Variants in DNAAF9 observed in about 807,000 individuals in gnomAD.
The protein encoded by DNAAF9 is dynein axonemal assembly factor 9.
DNAAF9 carries 90 observed loss-of-function variants against 167.0 expected under a neutral mutation model. The ratio of observed to expected loss-of-function variants is 0.54; its 90% confidence interval spans 0.45 to 0.64. The LOEUF is 0.64. Among genes scored for constraint, DNAAF9 ranks in the 30% least tolerant of loss-of-function variants. The pLI is 0.00. For synonymous variants in DNAAF9, 491 were observed against 508.8 expected, an observed-to-expected ratio of 0.96 and a Z score of 0.47; for missense variants, 1,315 against 1,442.2, an observed-to-expected ratio of 0.91 and a Z score of 1.43.
chr20:3,359,495 A>G (rs1341878169), intron 7 of DNAAF9, 21 bp downstream of exon 7: 1 of 1,524,964 alleles, frequency 6.6e-7, no homozygotes, highest in Non-Finnish European at 9.1e-7. Flanking sequence ...AATATTTAAA[A>G]GTTACTGTTT....
rs1167278946 is a variant in DNAAF9, at chr20:3,296,880, A to G, written c.1999T>C (p.Ser667Pro). The change falls in exon 23 of 37, where the codon TCT (serine) becomes CCT (proline). Residue 667 changes from serine (S) to proline (P), a missense_variant. Around this residue, in one of 2 missense-constraint regions of DNAAF9, gnomAD observed 981 missense variants for 1,012.5 expected, o/e 0.97. Transcript: ENST00000252032. ...ACTTACAATCTCTTTTGTTCCACAG[A>G]TAATCCATCTTCCTGGATCACTTTT... ...SLKVIQEDGL[S>P]VEQKRLHSSA... 6.2e-7 allele frequency: 1 copy of G among 1,608,994 alleles called. No homozygotes were observed. Among genetic ancestry groups the G allele is most frequent in the African/African-American group, 1.3e-5 (1 of 74,838 alleles).
At chr20:3,349,812 T>C (rs1202693889) in intron 7 of DNAAF9, among the ~76,000 whole-genome samples, 1 of 152,190 alleles carries the variant, frequency 6.6e-6, no homozygotes, top group Non-Finnish European at 1.5e-5. Context: ...TCAAGTATTA[T>C]CCTTGTCCTT....
intron 21 of DNAAF9, among the ~76,000 whole-genome samples, chr20:3,301,178 C>CTTTTTTTTTTTTTTTTTTTTTTTTT (rs11469332): frequency 8.0e-6 from 1 of 125,154 alleles, no homozygotes; most frequent in African/African-American, 3.0e-5. Flanking sequence ...TCATGCTTGG[C>CTTTTTTTTTTTTTTTTTTTTTTTTT]TTTTTTTTTT....
chr20:3,322,572 C>T, intron 15 of DNAAF9, 80 bp downstream of exon 15: 2 of 1,106,844 alleles, frequency 1.8e-6, no homozygotes, highest in South Asian at 1.2e-5. Context: ...ATGAGAAAAC[C>T]ACTCATGTCA....
chr20:3,304,590 G>C, intron 20 of DNAAF9, 47 bp from the exon 21 acceptor site: 1 of 853,430 alleles, frequency 1.2e-6, no homozygotes, highest in African/African-American at 1.7e-5. Context: ...TGGGTGCTGG[G>C]GGTCAGATTC....
intron 28 of DNAAF9, 81 bp downstream of exon 28, chr20:3,281,560 G>T: frequency 7.5e-7 from 1 of 1,334,506 alleles, no homozygotes; most frequent in African/African-American, 1.5e-5. Context: ...GGTGACTAAT[G>T]CATTCCAAAA....
chr20:3,388,856 G>A (rs539294587), intron 1 of DNAAF9, among the ~76,000 whole-genome samples: 1 of 152,330 alleles, frequency 6.6e-6, no homozygotes, highest in East Asian at 1.9e-4. Context: ...GAAAGGTTGT[G>A]TGGATGGATG....
intron 6 of DNAAF9, among the ~76,000 whole-genome samples, chr20:3,367,346 T>C (rs1201983565): frequency 2.0e-5 from 3 of 152,260 alleles, no homozygotes; most frequent in Non-Finnish European, 4.4e-5. Context: ...TGTTTCACTT[T>C]CTTATAATTT....
chr20:3,364,944 TTTC>T (rs1159104868), intron 6 of DNAAF9, among the ~76,000 whole-genome samples: 36 of 147,954 alleles, frequency 2.4e-4, no homozygotes, highest in Non-Finnish European at 3.3e-4. Context: ...CTTTTCCTTT[TTTC>T]TTTTTTTTTT....
chr20:3,314,667 A>G (rs2069472565), intron 20 of DNAAF9, among the ~76,000 whole-genome samples: 5 of 152,168 alleles, frequency 3.3e-5, no homozygotes, highest in Admixed American at 3.3e-4. Flanking sequence ...CTGTGAGATA[A>G]TAAGAGGGTG....
chr20:3,333,977 C>T (rs2069889202), intron 10 of DNAAF9, among the ~76,000 whole-genome samples: 1 of 152,180 alleles, frequency 6.6e-6, no homozygotes, highest in South Asian at 2.1e-4. Context: ...CTCTTAAAAA[C>T]ATTTTAAGTC....
intron 33 of DNAAF9, among the ~76,000 whole-genome samples, chr20:3,259,139 T>C (rs1241408955): frequency 6.6e-6 from 1 of 152,158 alleles, no homozygotes; most frequent in Admixed American, 6.5e-5. Flanking sequence ...CTGGGGCAGC[T>C]CCTGGTTTTA....
At chr20:3,260,172 T>G (rs1212014424) in intron 31 of DNAAF9, 144 bp from the exon 32 acceptor site, 1 of 500,014 alleles carries the variant, frequency 2.0e-6, no homozygotes, top group Admixed American at 3.4e-5. Flanking sequence ...ACCCCGTCTC[T>G]ACTAAAAATA....
At chr20:3,269,688 C>T (rs2068556738) in intron 30 of DNAAF9, among the ~76,000 whole-genome samples, 1 of 152,092 alleles carries the variant, frequency 6.6e-6, no homozygotes, top group Non-Finnish European at 1.5e-5. Flanking sequence ...GGCGTGGTGC[C>T]TCACGCCTGT....
intron 31 of DNAAF9, among the ~76,000 whole-genome samples, chr20:3,263,196 G>C (rs987584224): frequency 2.0e-5 from 3 of 151,934 alleles, no homozygotes; most frequent in Non-Finnish European, 4.4e-5. Context: ...GGATGGTCTC[G>C]ATCTTCTGAC....
intron 12 of DNAAF9, 86 bp from the exon 13 acceptor site, chr20:3,326,370 G>A (rs2069710894): frequency 3.3e-6 from 3 of 898,670 alleles, no homozygotes; most frequent in Non-Finnish European, 5.4e-6. Flanking sequence ...CAGCCCCTAA[G>A]AAACTGATTT....
intron 20 of DNAAF9, chr20:3,306,943 G>A: frequency 1.0e-6 from 1 of 985,278 alleles, no homozygotes; most frequent in Non-Finnish European, 1.2e-6. Flanking sequence ...TCCTGCTGCT[G>A]AGTGGTTAGT....
chr20:3,367,234 G>A (rs2123199376), intron 6 of DNAAF9, among the ~76,000 whole-genome samples: 1 of 152,376 alleles, frequency 6.6e-6, no homozygotes, highest in South Asian at 2.1e-4. Flanking sequence ...ATTAAAGAGA[G>A]TTAGGGCTTT....
intron 7 of DNAAF9, 138 bp from the exon 8 acceptor site, chr20:3,348,761 C>G: frequency 1.9e-6 from 1 of 514,850 alleles, no homozygotes; most frequent in Middle Eastern, 4.2e-4. Flanking sequence ...TAGCAAACTA[C>G]TAGTACATGC....
Sources: allele counts gnomAD v4.1 joint callset (sites outside exome capture counted in the v4.1 genomes callset), GRCh38; gene constraint gnomAD v4.1.1; regional missense constraint gnomAD v4.1.1; transcripts MANE v1.5; gene names NCBI Gene and HGNC (gene_info 2026-07-23, HGNC 2026-07-21).